TMEM232: variants seen among roughly 807,000 people sequenced by gnomAD.
The protein encoded by TMEM232 is transmembrane protein 232.
TMEM232 carries 80 observed loss-of-function variants against 78.8 expected under a neutral mutation model. That is an observed-to-expected ratio of 1.01 (90% confidence interval 0.85 to 1.22). The LOEUF (loss-of-function observed/expected upper bound fraction) is 1.22, where lower values mean the gene tolerates loss of function less well. Ranked by LOEUF, TMEM232 falls within the 50% of genes most tolerant of loss-of-function variation. The pLI, the probability that TMEM232 is intolerant of heterozygous loss-of-function variation, is 0.00. For missense variants in TMEM232, 881 were observed against 742.2 expected (o/e 1.19, Z -2.17); for synonymous variants, 297 against 254.3 (o/e 1.17, Z -1.60).
At chr5:110,526,821 T>C (rs55848917) in intron 12 of TMEM232, among the ~76,000 whole-genome samples, 21,625 of 151,658 alleles carry the variant, frequency 0.14, 3,899 homozygotes, top group African/African-American at 0.43. Flanking sequence ...CAATAGAAAA[T>C]TGGTTAAATA....
At chr5:110,408,853 C>T (rs1239646034) in intron 2 of TMEM232, among the ~76,000 whole-genome samples, 1 of 152,008 alleles carries the variant, frequency 6.6e-6, no homozygotes, top group Non-Finnish European at 1.5e-5. Flanking sequence ...AAAGAACATG[C>T]CCACCTAGCC....
intron 2 of TMEM232, among the ~76,000 whole-genome samples, chr5:110,650,872 T>C (rs988005490): frequency 6.6e-6 from 1 of 152,254 alleles, no homozygotes; most frequent in Middle Eastern, 3.4e-3. Flanking sequence ...ATCATACTAA[T>C]GTAGGATGTT....
intron 1 of TMEM232, among the ~76,000 whole-genome samples, chr5:110,693,306 G>A (rs964214135): frequency 1.3e-5 from 2 of 152,114 alleles, no homozygotes; most frequent in Admixed American, 6.6e-5. Context: ...CCATCTGTAC[G>A]TCACTATCAT....
At chr5:110,420,865 T>G in intron 13 of TMEM232, 109 bp from the exon 14 acceptor site, 1 of 1,386,694 alleles carries the variant, frequency 7.2e-7, no homozygotes, top group South Asian at 1.6e-5. Context: ...TCAGGTTTTT[T>G]CCATGACATT....
At chr5:110,663,523 A>C (rs1321010492) in intron 2 of TMEM232, among the ~76,000 whole-genome samples, 1 of 151,962 alleles carries the variant, frequency 6.6e-6, no homozygotes, top group Non-Finnish European at 1.5e-5. Flanking sequence ...ATCTAAGACA[A>C]TACCCATATG....
chr5:110,525,329 TC>T (rs1770413627), intron 12 of TMEM232, among the ~76,000 whole-genome samples: 1 of 151,948 alleles, frequency 6.6e-6, no homozygotes, highest in Non-Finnish European at 1.5e-5. Flanking sequence ...AAACTTAAAT[TC>T]AATGACTGAA....
intron 12 of TMEM232, among the ~76,000 whole-genome samples, chr5:110,508,279 A>T (rs1467148358): frequency 6.6e-6 from 1 of 152,124 alleles, no homozygotes; most frequent in Non-Finnish European, 1.5e-5. Flanking sequence ...TTGAAAGTGG[A>T]AGCTGTTCAG....
At chr5:110,419,163 A>ATAGAT (rs1256554755), downstream of TMEM232, among the ~76,000 whole-genome samples, 1 of 133,378 alleles carries the variant, frequency 7.5e-6, no homozygotes, top group Non-Finnish European at 1.5e-5. Context: ...CTGGTCTTCT[A>ATAGAT]TAGATTTTTT....
intron 3 of TMEM232, among the ~76,000 whole-genome samples, chr5:110,392,176 C>G (rs1046625675): frequency 6.6e-6 from 1 of 152,168 alleles, no homozygotes; most frequent in African/African-American, 2.4e-5. Context: ...GGGTTGCTAA[C>G]AATTTTGTCA....
intron 10 of TMEM232, among the ~76,000 whole-genome samples, chr5:110,594,892 C>T (rs565789177): frequency 1.3e-5 from 2 of 152,298 alleles, no homozygotes; most frequent in East Asian, 1.9e-4. Flanking sequence ...AATAGAGCAG[C>T]GGATCTCTCA....
At chr5:110,535,047 C>T (rs1772117785) in intron 11 of TMEM232, among the ~76,000 whole-genome samples, 1 of 152,068 alleles carries the variant, frequency 6.6e-6, no homozygotes, top group Admixed American at 6.5e-5. Flanking sequence ...CATACCACCC[C>T]CCAAAAATTT....
At chr5:110,524,434 AGAAAAGAAAG>A (rs1369339234) in intron 12 of TMEM232, among the ~76,000 whole-genome samples, 12 of 144,750 alleles carry the variant, frequency 8.3e-5, no homozygotes, top group East Asian at 8.3e-4. Flanking sequence ...AGAAAAGAAA[AGAAAAGAAAG>A]GAAAGAAAGA....
chr5:110,653,344 T>C (rs1788593857), intron 2 of TMEM232, among the ~76,000 whole-genome samples: 1 of 152,206 alleles, frequency 6.6e-6, no homozygotes, highest in Admixed American at 6.5e-5. Flanking sequence ...TCTTGCAGAA[T>C]TTTGGAAAGC....
intron 12 of TMEM232, among the ~76,000 whole-genome samples, chr5:110,451,494 G>C (rs1011374649): frequency 1.3e-5 from 2 of 152,108 alleles, no homozygotes; most frequent in Non-Finnish European, 1.5e-5. Flanking sequence ...TGTCCTGTGA[G>C]TCTTCCTATT....
chr5:110,696,580 A>C (rs932373480), intron 1 of TMEM232, among the ~76,000 whole-genome samples: 2 of 152,234 alleles, frequency 1.3e-5, no homozygotes, highest in African/African-American at 4.8e-5. Context: ...AAATCTCCTT[A>C]AGCTGATAAG....
intron 10 of TMEM232, among the ~76,000 whole-genome samples, chr5:110,577,203 G>C (rs993847464): frequency 6.6e-6 from 1 of 151,834 alleles, no homozygotes; most frequent in African/African-American, 2.4e-5. Flanking sequence ...CCCATAAAAA[G>C]TAGGCAAAAG....
rs1265094866 is a variant in TMEM232, at chr5:110,606,199, C to G, written c.991G>C (p.Asp331His). The change falls in exon 9 of 14, where the codon GAT becomes CAT. Residue 331 changes from aspartate (D) to histidine (H), a missense_variant. Transcript: ENST00000455884. ...CLKALMDVVR[D>H]FVSSIMSVQN... is the part of the protein sequence containing the mutation. ...ACAGACATAATGCTTGAAACAAAAT[C>G]TCTCACTACGTCCATTAAAGCTTTC... The G allele has an allele frequency of 6.5e-7, 1 of 1,548,158 alleles. No individual in the cohort carries two copies. Among genetic ancestry groups the G allele is most frequent in the South Asian group, 1.2e-5 (1 of 83,592 alleles).
At chr5:110,686,174 T>C (rs534733646) in intron 1 of TMEM232, among the ~76,000 whole-genome samples, 1 of 152,138 alleles carries the variant, frequency 6.6e-6, no homozygotes, top group South Asian at 2.1e-4. Context: ...CCAATACTTG[T>C]GAATCTGGGC....
intron 12 of TMEM232, among the ~76,000 whole-genome samples, chr5:110,507,848 T>C (rs544533157): frequency 3.3e-5 from 5 of 152,328 alleles, no homozygotes; most frequent in South Asian, 2.1e-4. Context: ...TGGAAAATCA[T>C]TGCTGCCTGC....
Sources: allele counts gnomAD v4.1 joint callset (sites outside exome capture counted in the v4.1 genomes callset), GRCh38; gene constraint gnomAD v4.1.1; transcripts MANE v1.5; gene names NCBI Gene and HGNC (gene_info 2026-07-23, HGNC 2026-07-21).